The following CSMD1 variants were observed in gnomAD, a reference collection of about 807,000 sequenced individuals.
CSMD1 encodes the protein CUB and sushi domain-containing protein 1.
CSMD1 carries 213 observed loss-of-function variants against 417.5 expected under a neutral mutation model. The ratio of observed to expected loss-of-function variants is 0.51; its 90% CI spans 0.46 to 0.57. The LOEUF is 0.57. Ranked by LOEUF, CSMD1 falls within the 20% of genes least tolerant of loss-of-function variation. The pLI, the probability that CSMD1 is intolerant of heterozygous loss-of-function variation, is 0.00. For synonymous variants in CSMD1, 2,862 were observed against 1,736.8 expected, an observed-to-expected ratio of 1.65 and a Z score of -16.11; for missense variants, 6,923 against 4,529.7, an observed-to-expected ratio of 1.53 and a Z score of -15.17.
chr8:4,817,465 G>C (rs914369042), intron 1 of CSMD1, among the ~76,000 whole-genome samples: 1 of 152,204 alleles, frequency 6.6e-6, no homozygotes, highest in African/African-American at 2.4e-5. Flanking sequence ...CCTTCTCTAG[G>C]GAGGAGGCCC....
At chr8:3,241,817 G>A (rs1220249186) in intron 26 of CSMD1, among the ~76,000 whole-genome samples, 1 of 152,088 alleles carries the variant, frequency 6.6e-6, no homozygotes, top group African/African-American at 2.4e-5. Context: ...GAAATATGTT[G>A]CTTCTTGGCT....
At chr8:4,566,917 G>A (rs554631735) in intron 2 of CSMD1, among the ~76,000 whole-genome samples, 27 of 152,282 alleles carry the variant, frequency 1.8e-4, no homozygotes, top group Middle Eastern at 6.8e-3. Context: ...GTCAATTCAG[G>A]AATGAACTAA....
rs919125944 is a variant in CSMD1, at chr8:3,586,122, C to T, written c.1222+14G>A. 22 of 1,607,906 alleles carry T rather than the reference C, an allele frequency of 1.4e-5. No homozygotes were observed. Among genetic ancestry groups the T allele is most frequent in the Middle Eastern group, 3.3e-4 (2 of 6,042 alleles). On this transcript the variant is annotated intron_variant, in intron 9 of 69. Coordinates refer to ENST00000635120, the MANE Select transcript of CSMD1 (RefSeq NM_033225.6). ...AAGAGATAATCCAGGCTTTACCCACCGCAGGTGCCTTACCTCGGCAGATGG... is the reference window on the plus strand; with the variant it reads ...AAGAGATAATCCAGGCTTTACCCACTGCAGGTGCCTTACCTCGGCAGATGG...
chr8:4,111,756 C>G (rs931194734), intron 3 of CSMD1, among the ~76,000 whole-genome samples: 1 of 152,102 alleles, frequency 6.6e-6, no homozygotes, highest in Non-Finnish European at 1.5e-5. Flanking sequence ...ACAACACACA[C>G]TGGGAACTGT....
intron 1 of CSMD1, among the ~76,000 whole-genome samples, chr8:4,902,423 T>C (rs1043613734): frequency 1.4e-5 from 2 of 141,220 alleles, no homozygotes; most frequent in Non-Finnish European, 3.1e-5. Context: ...AGAACCCATC[T>C]CTAAAGAGGA....
At chr8:3,445,669 G>A (rs1205248993) in intron 12 of CSMD1, among the ~76,000 whole-genome samples, 1 of 152,082 alleles carries the variant, frequency 6.6e-6, no homozygotes. Flanking sequence ...GAAATACGTC[G>A]GAACTAGAGG....
At chr8:4,426,338 T>C (rs571023117) in intron 2 of CSMD1, among the ~76,000 whole-genome samples, 2 of 150,854 alleles carry the variant, frequency 1.3e-5, no homozygotes, top group Non-Finnish European at 3.0e-5. Flanking sequence ...ATGTAGTATA[T>C]AGCATATAAT....
intron 5 of CSMD1, among the ~76,000 whole-genome samples, chr8:3,820,063 A>ACTTAAGACG (rs1355551739): frequency 1.3e-5 from 2 of 152,322 alleles, no homozygotes; most frequent in East Asian, 3.9e-4. Context: ...GTACATTTCC[A>ACTTAAGACG]CTTAAGACGC....
intron 3 of CSMD1, among the ~76,000 whole-genome samples, chr8:4,133,137 C>A (rs143556523): frequency 0.029 from 4,451 of 152,152 alleles, 212 homozygotes; most frequent in African/African-American, 0.1. Flanking sequence ...GGGGTTTCAC[C>A]ATATTGGCCA....
At chr8:3,511,813 A>G (rs1358494763) in intron 10 of CSMD1, among the ~76,000 whole-genome samples, 3 of 151,352 alleles carry the variant, frequency 2.0e-5, no homozygotes, top group East Asian at 3.9e-4. Flanking sequence ...ATAACATAAC[A>G]TAACATAACA....
At chr8:3,250,224 A>G (rs1019193121) in intron 26 of CSMD1, among the ~76,000 whole-genome samples, 5 of 152,022 alleles carry the variant, frequency 3.3e-5, no homozygotes, top group African/African-American at 4.8e-5. Context: ...CCACCCCACA[A>G]CAGGCCCCAG....
At chr8:3,249,883 C>T (rs1376355201) in intron 26 of CSMD1, among the ~76,000 whole-genome samples, 1 of 151,768 alleles carries the variant, frequency 6.6e-6, no homozygotes, top group Non-Finnish European at 1.5e-5. Flanking sequence ...AGAAATGGAT[C>T]GAAAATGCTA....
intron 3 of CSMD1, among the ~76,000 whole-genome samples, chr8:4,109,267 G>A (rs904992569): frequency 6.6e-6 from 1 of 152,012 alleles, no homozygotes; most frequent in Admixed American, 6.6e-5. Context: ...ACCCTTGGTT[G>A]TTTGCAGAAC....
At chr8:3,982,537 G>C (rs577088076) in intron 5 of CSMD1, among the ~76,000 whole-genome samples, 6 of 151,998 alleles carry the variant, frequency 3.9e-5, no homozygotes, top group East Asian at 3.9e-4. Context: ...TTAGAATTAT[G>C]TGCACTAGGA....
chr8:2,992,957 T>G (rs776373129), intron 54 of CSMD1, among the ~76,000 whole-genome samples: 2 of 151,444 alleles, frequency 1.3e-5, no homozygotes, highest in Non-Finnish European at 1.5e-5. Flanking sequence ...GGTCTCAAAC[T>G]CCTGGACTCA....
intron 5 of CSMD1, among the ~76,000 whole-genome samples, chr8:3,979,807 C>G (rs559847909): frequency 9.9e-5 from 15 of 152,238 alleles, no homozygotes; most frequent in African/African-American, 3.6e-4. Context: ...CTTGTTATGA[C>G]AATACAAACC....
intron 5 of CSMD1, among the ~76,000 whole-genome samples, chr8:3,758,932 G>A (rs538673395): frequency 1.3e-5 from 2 of 152,306 alleles, no homozygotes; most frequent in South Asian, 2.1e-4. Context: ...AGAAGAGCCT[G>A]TGGACAAAGG....
At chr8:2,996,117 A>G (rs1484412714) in intron 54 of CSMD1, among the ~76,000 whole-genome samples, 1 of 152,184 alleles carries the variant, frequency 6.6e-6, no homozygotes, top group Non-Finnish European at 1.5e-5. Context: ...TTATCTCAAA[A>G]TGAAACATTT....
intron 3 of CSMD1, among the ~76,000 whole-genome samples, chr8:4,396,471 C>G (rs1336248257): frequency 6.6e-6 from 1 of 152,100 alleles, no homozygotes; most frequent in Non-Finnish European, 1.5e-5. Context: ...GCCAGTCTCA[C>G]TCTGCAATGG....
Sources: gnomAD v4.1 joint callset for allele counts (sites outside exome capture counted in the v4.1 genomes callset) on GRCh38, gnomAD v4.1.1 for gene constraint, MANE v1.5 for transcripts, NCBI Gene and HGNC (gene_info 2026-07-23, HGNC 2026-07-21) for gene names.